Variants in ANKDD1B observed in about 807,000 individuals in gnomAD.
ANKDD1B encodes ankyrin repeat and death domain containing 1B.
Under a neutral mutation model 59.7 loss-of-function variants are expected in ANKDD1B, and 57 were observed. The observed-to-expected ratio is 0.95, with a 90% CI of 0.77 to 1.19. The LOEUF is 1.19. Ranked by LOEUF, ANKDD1B falls within the 50% of genes most tolerant of loss-of-function variation. ANKDD1B has a pLI of 0.00. For synonymous variants in ANKDD1B, 216 were observed against 239.5 expected, an observed-to-expected ratio of 0.90 and a Z score of 0.91; for missense variants, 602 against 641.9, an observed-to-expected ratio of 0.94 and a Z score of 0.67.
intron 6 of ANKDD1B, chr5:75,635,563 A>G (rs1202287704): frequency 1.1e-5 from 4 of 377,288 alleles, no homozygotes; most frequent in African/African-American, 2.1e-5. Flanking sequence ...AACAAGGAGC[A>G]TGGATGATTT....
chr5:75,635,744 T>TG (rs1332814954), intron 6 of ANKDD1B, 40 bp from the exon 7 acceptor site: 1 of 1,333,492 alleles, frequency 7.5e-7, no homozygotes, highest in Non-Finnish European at 1.0e-6. Context: ...CATGCTCTCC[T>TG]GGCACAGGGG....
intron 3 of ANKDD1B, among the ~76,000 whole-genome samples, chr5:75,621,143 T>A (rs1773836663): frequency 6.6e-6 from 1 of 152,214 alleles, no homozygotes; most frequent in Admixed American, 6.5e-5. Context: ...AAGTTGTAGC[T>A]TTGGGAGTGG....
At chr5:75,642,489 C>CG (rs1253727160) in intron 7 of ANKDD1B, among the ~76,000 whole-genome samples, 6 of 137,736 alleles carry the variant, frequency 4.4e-5, no homozygotes, top group African/African-American at 8.3e-5. Flanking sequence ...GGGTGACGGA[C>CG]GCACCTGGAA....
At chr5:75,622,568 T>G (rs1316106974) in intron 3 of ANKDD1B, among the ~76,000 whole-genome samples, 1 of 152,088 alleles carries the variant, frequency 6.6e-6, no homozygotes, top group Non-Finnish European at 1.5e-5. Context: ...GAATCCCAGG[T>G]GGGTGCAAGT....
intron 7 of ANKDD1B, among the ~76,000 whole-genome samples, chr5:75,644,964 A>G (rs1210573615): frequency 3.1e-5 from 4 of 130,298 alleles, no homozygotes; most frequent in South Asian, 2.1e-4. Context: ...CCGCTCAACT[A>G]CATGGAAACT....
chr5:75,638,968 A>G (rs1242952232), intron 7 of ANKDD1B, among the ~76,000 whole-genome samples: 1 of 152,198 alleles, frequency 6.6e-6, no homozygotes, highest in African/African-American at 2.4e-5. Context: ...CTTTGTATAT[A>G]AACCTTAGTC....
chr5:75,612,525 A>G (rs1449581274), intron 1 of ANKDD1B, among the ~76,000 whole-genome samples: 1 of 151,864 alleles, frequency 6.6e-6, no homozygotes, highest in Non-Finnish European at 1.5e-5. Context: ...TTCCTAAACC[A>G]GGCTTGGAAG....
At chr5:75,625,570 G>C (rs1773968704) in intron 3 of ANKDD1B, 77 bp from the exon 4 acceptor site, 1 of 1,007,446 alleles carries the variant, frequency 9.9e-7, no homozygotes, top group Non-Finnish European at 1.5e-6. Flanking sequence ...GTATTAATTT[G>C]GCCTTTGTTG....
intron 7 of ANKDD1B, among the ~76,000 whole-genome samples, chr5:75,647,096 C>T (rs375329773): frequency 5.1e-5 from 2 of 39,236 alleles, no homozygotes; most frequent in East Asian, 5.1e-4. Context: ...ATACAAAAAT[C>T]AATTCAAGAT....
chr5:75,660,688 C>T (rs1007994722), intron 10 of ANKDD1B, among the ~76,000 whole-genome samples: 5 of 152,194 alleles, frequency 3.3e-5, no homozygotes, highest in African/African-American at 1.2e-4. Context: ...CTGTCAGGTG[C>T]TCACGCAGGC....
chr5:75,623,933 T>C (rs146029261), intron 3 of ANKDD1B, among the ~76,000 whole-genome samples: 1 of 152,300 alleles, frequency 6.6e-6, no homozygotes, highest in Non-Finnish European at 1.5e-5. Context: ...AATAAGAGAA[T>C]ACATTAATGC....
Position 75,635,191 on chromosome 5 carries a change from T to C in ANKDD1B, c.699+195T>C. ...CACTGTTGCTCTGGGTTGTCCAGAT[T>C]GGCAGTTTTTGCTTCATAAATGTTT... On this transcript the variant is annotated intron_variant, in intron 6 of 13. Transcript: ENST00000601380. 2 of 451,652 alleles carry C rather than the reference T, an allele frequency of 4.4e-6. 1 individual carries two copies. Among genetic ancestry groups the C allele is most frequent in the South Asian group, 7.3e-5 (2 of 27,572 alleles). The allele number at this position is 451,652 out of a possible 1,614,324, so 28.0% of individuals were successfully genotyped here.
chr5:75,615,652 C>T (rs945779279), intron 1 of ANKDD1B, among the ~76,000 whole-genome samples: 4 of 150,082 alleles, frequency 2.7e-5, no homozygotes, highest in Non-Finnish European at 5.9e-5. Flanking sequence ...TTCTCCCTGC[C>T]TTCACCTGGT....
At chr5:75,638,355 A>G (rs992385502) in intron 7 of ANKDD1B, among the ~76,000 whole-genome samples, 1 of 152,178 alleles carries the variant, frequency 6.6e-6, no homozygotes, top group Non-Finnish European at 1.5e-5. Flanking sequence ...TAATAATATT[A>G]TCTTTTTGGA....
intron 8 of ANKDD1B, among the ~76,000 whole-genome samples, chr5:75,653,719 A>G (rs1215940711): frequency 1.3e-5 from 2 of 152,246 alleles, no homozygotes; most frequent in Non-Finnish European, 2.9e-5. Flanking sequence ...CTGTGCTGGA[A>G]TTAAACAAGA....
intron 2 of ANKDD1B, among the ~76,000 whole-genome samples, chr5:75,619,980 T>C (rs930177692): frequency 6.6e-6 from 1 of 152,222 alleles, no homozygotes; most frequent in Non-Finnish European, 1.5e-5. Flanking sequence ...TATTAATGAT[T>C]GCATAAGGGG....
At chr5:75,630,890 G>A (rs1269785674) in intron 5 of ANKDD1B, among the ~76,000 whole-genome samples, 2 of 152,078 alleles carry the variant, frequency 1.3e-5, no homozygotes, top group Non-Finnish European at 2.9e-5. Context: ...GCAGCCTCAG[G>A]TTTAATATCC....
Position 75,611,788 on chromosome 5 carries a change from C to G in ANKDD1B, c.154C>G (p.Leu52Val), listed in dbSNP as rs1270175898. 1.6e-6 allele frequency: 2 copies of G among 1,231,970 alleles called. No homozygotes were observed. The highest frequency in any genetic ancestry group is 2.0e-6 in the Non-Finnish European group (2 of 988,188). The allele number at this position is 1,231,970 out of a possible 1,614,324, so 76.3% of individuals were successfully genotyped here. A position where few individuals can be genotyped will look rare whatever the true frequency, so the allele number is the denominator to read the frequency against. ...SLSRIPKREG[L>V]GEEDTAVAGH... ...GTCCCGGATCCCGAAGCGGGAGGGTCTTGGAGAGGAGGACACAGCAGTTGC... is the reference window on the plus strand; with the variant it reads ...GTCCCGGATCCCGAAGCGGGAGGGTGTTGGAGAGGAGGACACAGCAGTTGC... The change falls in exon 1 of 14, where the codon CTT (leucine) becomes GTT (valine). Residue 52 changes from leucine (L) to valine (V), a missense_variant. This residue lies in a region of ANKDD1B where 317 missense variants were observed against 304.6 expected (regional missense o/e 1.04). Transcript: ENST00000601380.
chr5:75,666,683 A>G (rs955442874), intron 11 of ANKDD1B, 109 bp from the exon 12 acceptor site: 3 of 746,498 alleles, frequency 4.0e-6, no homozygotes, highest in Non-Finnish European at 6.5e-6. Context: ...TTGAAAACAT[A>G]GTCTCGGTTA....
Sources: allele counts gnomAD v4.1 joint callset (sites outside exome capture counted in the v4.1 genomes callset), GRCh38; gene constraint gnomAD v4.1.1; regional missense constraint gnomAD v4.1.1; transcripts MANE v1.5; gene names NCBI Gene and HGNC (gene_info 2026-07-23, HGNC 2026-07-21).